Variants in CD96 observed in about 807,000 individuals in gnomAD.
CD96 encodes T-cell surface protein tactile.
In CD96, 70 loss-of-function variants were observed where a neutral mutation model predicts 71.3. That is an observed-to-expected ratio of 0.98 (90% CI 0.81 to 1.20). The LOEUF is 1.20. Ranked by LOEUF, CD96 falls within the 50% of genes most tolerant of loss-of-function variation. The probability of loss-of-function intolerance (pLI) is 0.00; values close to 1 mark genes in which losing one functional copy is unlikely to be tolerated. For synonymous variants in CD96, 248 were observed against 233.0 expected (o/e 1.06, Z -0.59); for missense variants, 742 against 677.5 (o/e 1.10, Z -1.06).
At chr3:111,574,318 G>A (rs556495328) in intron 3 of CD96, among the ~76,000 whole-genome samples, 9 of 152,238 alleles carry the variant, frequency 5.9e-5, no homozygotes, top group African/African-American at 2.2e-4. Flanking sequence ...CACACATGAT[G>A]CTCAAAAGAA....
chr3:111,624,250 G>C, intron 9 of CD96, 83 bp from the exon 10 acceptor site: 2 of 909,636 alleles, frequency 2.2e-6, no homozygotes, highest in Non-Finnish European at 3.7e-6. Context: ...AAGTCACATA[G>C]ATTAAAAATT....
At chr3:111,641,134 G>A (rs1258816026) in intron 12 of CD96, among the ~76,000 whole-genome samples, 1 of 152,146 alleles carries the variant, frequency 6.6e-6, no homozygotes, top group African/African-American at 2.4e-5. Flanking sequence ...GAAAGCAATG[G>A]TACCTCATAT....
intron 4 of CD96, among the ~76,000 whole-genome samples, chr3:111,584,722 C>G (rs531271523): frequency 7.2e-5 from 11 of 152,268 alleles, no homozygotes; most frequent in Admixed American, 4.6e-4. Context: ...GACCAGCCCC[C>G]GTGATTCAAT....
chr3:111,581,032 A>G (rs1271892119), intron 4 of CD96, among the ~76,000 whole-genome samples: 1 of 152,168 alleles, frequency 6.6e-6, no homozygotes, highest in East Asian at 1.9e-4. Context: ...TGTGTCCTGT[A>G]TCTCTTTGCT....
intron 12 of CD96, 99 bp downstream of exon 12, chr3:111,638,267 G>T: frequency 1.3e-6 from 1 of 799,806 alleles, no homozygotes. Flanking sequence ...CCAGTTGTTG[G>T]ATATACAGTG....
intron 8 of CD96, among the ~76,000 whole-genome samples, chr3:111,610,704 A>G (rs1213770304): frequency 1.3e-5 from 2 of 152,196 alleles, no homozygotes; most frequent in Non-Finnish European, 2.9e-5. Context: ...CAGGCTGACA[A>G]GCTAAGTGGC....
chr3:111,657,191 G>A (rs574742333), downstream of CD96, among the ~76,000 whole-genome samples: 4 of 152,160 alleles, frequency 2.6e-5, no homozygotes, highest in South Asian at 8.3e-4. Flanking sequence ...AGGCCAAGGT[G>A]GGCAGATCAC....
At position 111,568,381 on chromosome 3, in the gene CD96, T is replaced by A. The variant is rs532827374; in HGVS notation, c.543+734T>A. On this transcript the variant is annotated intron_variant, in intron 3 of 13. Transcript: ENST00000352690. ...CTGGTCTATTATTTTGCTAAGACAC[T>A]GTAAAATATAACTCTAATTATAAAT... Among the ~76,000 whole-genome samples the A allele has an allele frequency of 2.0e-5, 3 of 152,336 alleles. No homozygotes were observed. The South Asian group carries it at 6.2e-4, about 32-fold the overall frequency.
At position 111,596,857 on chromosome 3, in the gene CD96, G is replaced by A. The variant is rs192893939; in HGVS notation, c.808-1263G>A. On this transcript the variant is annotated intron_variant, in intron 5 of 13. Coordinates refer to ENST00000352690, the MANE Select transcript of CD96 (RefSeq NM_005816.5). ...TTATCTGGAAAGGCAAGTGTTGAACGGATGGGAATACTGGGAGCTACGGTG... is the reference window on the plus strand; with the variant it reads ...TTATCTGGAAAGGCAAGTGTTGAACAGATGGGAATACTGGGAGCTACGGTG... Among the ~76,000 whole-genome samples, 119 of 152,292 alleles carry A rather than the reference G, an allele frequency of 7.8e-4. 1 individual carries two copies. Among genetic ancestry groups the A allele is most frequent in the African/African-American group, 2.6e-3 (109 of 41,552 alleles).
chr3:111,579,392 G>C, intron 4 of CD96, 158 bp downstream of exon 4: 1 of 705,126 alleles, frequency 1.4e-6, no homozygotes, highest in South Asian at 1.5e-5. Context: ...GTTGGGCAGG[G>C]GGATGAGGGT....
In CD96 at chr3:111,624,359, G is replaced by T. The variant is rs762193167; in HGVS notation, c.1276G>T (p.Gly426Cys). Residue 426 changes from glycine (G) to cysteine (C), a missense_variant, in exon 10 of 14, where the codon GGC (glycine) becomes TGC (cysteine). Coordinates refer to ENST00000352690, the MANE Select transcript of CD96 (RefSeq NM_005816.5). ...QPSNSSMTTR[G>C]FNYPWTSSGT... The stretch of plus-strand genomic sequence containing the variant: ...CAGCAATTCCAGTATGACTACCCGA[G>T]GCTTCAACTATCCCTGGACCTCCAG... 1.8e-5 allele frequency: 29 copies of T among 1,612,398 alleles called. 1 individual carries two copies. The South Asian group carries it at 3.1e-4, about 17-fold the overall frequency.
intron 3 of CD96, among the ~76,000 whole-genome samples, chr3:111,575,030 G>T (rs1384875583): frequency 6.6e-6 from 1 of 151,892 alleles, no homozygotes; most frequent in East Asian, 1.9e-4. Flanking sequence ...CTGGGCTCAA[G>T]AAATCCACCA....
In CD96 at chr3:111,566,039, T is replaced by C. The variant is rs182037327; in HGVS notation, c.419-1484T>C. 5.1e-3 allele frequency among the ~76,000 whole-genome samples: 760 copies of C among 149,270 alleles called. 5 individuals are homozygous for C. Among genetic ancestry groups the C allele is most frequent in the African/African-American group, 0.018 (720 of 41,048 alleles). On this transcript the variant is annotated intron_variant, in intron 2 of 13. Transcript: ENST00000352690. Reference sequence around the variant, plus strand: ...ATATTTATATATATATTTATATATATAATTTTTAGCCCTAAATTGGTGCTT... The same window carrying C: ...ATATTTATATATATATTTATATATACAATTTTTAGCCCTAAATTGGTGCTT...
chr3:111,551,392 C>A (rs913622873), intron 2 of CD96, among the ~76,000 whole-genome samples: 2 of 151,992 alleles, frequency 1.3e-5, no homozygotes, highest in Admixed American at 1.3e-4. Flanking sequence ...ATATTGCAGT[C>A]TACATAAAAA....
intron 3 of CD96, among the ~76,000 whole-genome samples, chr3:111,569,450 A>G (rs573135213): frequency 1.1e-4 from 16 of 152,348 alleles, no homozygotes; most frequent in Admixed American, 5.2e-4. Flanking sequence ...CTTAATAAAC[A>G]TGATGCAACA....
At chr3:111,622,155 T>A (rs975343235) in intron 8 of CD96, among the ~76,000 whole-genome samples, 1 of 152,152 alleles carries the variant, frequency 6.6e-6, no homozygotes, top group East Asian at 1.9e-4. Context: ...CCTTTTCTAG[T>A]GCAACACTTT....
At chr3:111,609,193 G>A (rs879880181) in intron 8 of CD96, among the ~76,000 whole-genome samples, 7 of 152,182 alleles carry the variant, frequency 4.6e-5, no homozygotes, top group Non-Finnish European at 1.0e-4. Context: ...GAAAGCATCA[G>A]TAGATAAGTT....
At chr3:111,562,173 G>C (rs1456686911) in intron 2 of CD96, among the ~76,000 whole-genome samples, 1 of 152,196 alleles carries the variant, frequency 6.6e-6, no homozygotes, top group Non-Finnish European at 1.5e-5. Flanking sequence ...GGTCTTCTGC[G>C]TCGCTCACGT....
At chr3:111,550,423 T>C (rs752217949) in intron 2 of CD96, among the ~76,000 whole-genome samples, 19 of 152,080 alleles carry the variant, frequency 1.2e-4, no homozygotes, top group Non-Finnish European at 2.4e-4. Flanking sequence ...ATGGTGGTGG[T>C]GGTTTCAATT....
Sources: allele counts gnomAD v4.1 joint callset (sites outside exome capture counted in the v4.1 genomes callset), GRCh38; gene constraint gnomAD v4.1.1; transcripts MANE v1.5; gene names NCBI Gene and HGNC (gene_info 2026-07-23, HGNC 2026-07-21).